The following SLC36A1 variants were observed in gnomAD, a reference collection of about 807,000 sequenced individuals.
SLC36A1 encodes the protein solute carrier family 36 member 1.
A neutral mutation model predicts 47.5 loss-of-function variants in SLC36A1; 30 were observed. That is an observed-to-expected ratio of 0.63 (90% CI 0.47 to 0.86). The LOEUF is 0.86. SLC36A1 is among the 40% of genes least tolerant of loss of function. The pLI is 0.00. For missense variants in SLC36A1, 517 were observed against 606.0 expected (o/e 0.85, Z 1.54); for synonymous variants, 255 against 249.7 (o/e 1.02, Z -0.20).
Position 151,489,948 on chromosome 5 carries a change from G to C in SLC36A1, c.*1694G>C, listed in dbSNP as rs1316304747. The C allele has an allele frequency of 6.6e-6, 1 of 152,148 alleles. No homozygotes were observed. Among genetic ancestry groups the C allele is most frequent in the Admixed American group, 6.5e-5 (1 of 15,284 alleles). 9.4% of individuals were successfully genotyped at this position (152,148 alleles called of 1,614,324 possible). ...GCAGCAAAAATGTATCAGGGGTTTT[G>C]CTTCTGTGTTTCGCCAAAGCTCATA... On this transcript the variant is annotated 3_prime_UTR_variant, in exon 11 of 11. Coordinates refer to ENST00000243389, the MANE Select transcript of SLC36A1 (RefSeq NM_078483.4). The surrounding 1 kb of genome is among the most constrained non-coding windows in gnomAD (Gnocchi z 4.5).
At chr5:151,545,178 G>T in the SLC36A1 span, 1 of 1,614,192 alleles carries the variant, frequency 6.2e-7, no homozygotes, top group Non-Finnish European at 8.5e-7. Flanking sequence ...GTGCCTTTCT[G>T]TCCTGCAAGT....
At chr5:151,474,676 G>A (rs1285071663) in intron 8 of SLC36A1, among the ~76,000 whole-genome samples, 1 of 152,176 alleles carries the variant, frequency 6.6e-6, no homozygotes, top group African/African-American at 2.4e-5. Context: ...GTGCAAAAGA[G>A]CAGCCTTCAC....
At chr5:151,433,249 TA>T (rs1561704925), upstream of SLC36A1, among the ~76,000 whole-genome samples, 6 of 15,896 alleles carry the variant, frequency 3.8e-4, no homozygotes, top group Admixed American at 6.0e-4. Context: ...TATATATATA[TA>T]TATATATATA....
the SLC36A1 span, among the ~76,000 whole-genome samples, chr5:151,428,166 T>A: frequency 1.1e-4 from 17 of 152,196 alleles, no homozygotes; most frequent in Non-Finnish European, 2.4e-4. Flanking sequence ...AATGGCTATG[T>A]AAGCCTTTAA....
At chr5:151,478,215 T>C (rs1758337796) in intron 9 of SLC36A1, among the ~76,000 whole-genome samples, 1 of 152,208 alleles carries the variant, frequency 6.6e-6, no homozygotes, top group Middle Eastern at 3.2e-3. Context: ...TATTAGCACA[T>C]TTAAATAGAT....
chr5:151,515,679 T>C, the SLC36A1 span, among the ~76,000 whole-genome samples: 8 of 152,210 alleles, frequency 5.3e-5, no homozygotes, highest in African/African-American at 1.9e-4. Context: ...GGCTTTGCCT[T>C]CAAAATCTTT....
chr5:151,437,641 A>T (rs535490595), intron 1 of SLC36A1, among the ~76,000 whole-genome samples: 1 of 152,324 alleles, frequency 6.6e-6, no homozygotes, highest in African/African-American at 2.4e-5. Context: ...ACTTCTCAAT[A>T]TAATTATTTT....
downstream of SLC36A1, among the ~76,000 whole-genome samples, chr5:151,493,347 G>A (rs1377855151): frequency 6.6e-6 from 1 of 152,142 alleles, no homozygotes; most frequent in Non-Finnish European, 1.5e-5. Context: ...GATGGCATCA[G>A]ATCCCACAGG....
chr5:151,428,942 C>G, the SLC36A1 span, among the ~76,000 whole-genome samples: 1 of 152,176 alleles, frequency 6.6e-6, no homozygotes, highest in African/African-American at 2.4e-5. Flanking sequence ...CGTCCGTCTG[C>G]TGCATTTTGA....
the SLC36A1 span, chr5:151,534,559 G>C: frequency 6.2e-7 from 1 of 1,614,024 alleles, no homozygotes; most frequent in South Asian, 1.1e-5. Flanking sequence ...TGGCACGATC[G>C]GCCACCTCCA....
chr5:151,377,350 T>A, the SLC36A1 span, among the ~76,000 whole-genome samples: 1 of 145,974 alleles, frequency 6.9e-6, no homozygotes, highest in Non-Finnish European at 1.5e-5. Context: ...TCTCTTTCTT[T>A]TTTTTTTTTT....
the SLC36A1 span, among the ~76,000 whole-genome samples, chr5:151,358,433 G>A: frequency 6.6e-6 from 1 of 151,952 alleles, no homozygotes; most frequent in African/African-American, 2.4e-5. Context: ...TACTGTGGCC[G>A]GCTAATTTTT....
the SLC36A1 span, among the ~76,000 whole-genome samples, chr5:151,348,404 T>C: frequency 6.6e-6 from 1 of 152,172 alleles, no homozygotes; most frequent in African/African-American, 2.4e-5. Flanking sequence ...TCCTCCTCCC[T>C]CAAAATTACA....
the SLC36A1 span, among the ~76,000 whole-genome samples, chr5:151,400,594 AGT>A: frequency 3.9e-5 from 6 of 152,212 alleles, no homozygotes; most frequent in African/African-American, 1.4e-4. Flanking sequence ...TGCTTTCCAC[AGT>A]GACTGAACTA....
At chr5:151,451,321 G>A (rs1375360647) in intron 1 of SLC36A1, among the ~76,000 whole-genome samples, 3 of 152,202 alleles carry the variant, frequency 2.0e-5, no homozygotes, top group Middle Eastern at 6.8e-3. Context: ...CCAAAGTGCC[G>A]GGATTACAGA....
the SLC36A1 span, chr5:151,527,510 G>A: frequency 1.1e-3 from 870 of 807,088 alleles, 10 homozygotes; most frequent in East Asian, 0.021. Context: ...CTGCCCACCC[G>A]TAGCATTTTA....
chr5:151,551,333 G>C, the SLC36A1 span: 1 of 922,100 alleles, frequency 1.1e-6, no homozygotes, highest in Non-Finnish European at 1.6e-6. Flanking sequence ...GAGTGTATTA[G>C]ACAAGAACTT....
intron 5 of SLC36A1, 70 bp from the exon 6 acceptor site, chr5:151,467,129 C>T (rs1756515758): frequency 1.6e-6 from 2 of 1,227,830 alleles, no homozygotes; most frequent in African/African-American, 3.1e-5. Context: ...AAACAAAAAA[C>T]ACCTCCCCTT....
chr5:151,463,127 G>A (rs1194788165), intron 2 of SLC36A1, among the ~76,000 whole-genome samples: 4 of 152,102 alleles, frequency 2.6e-5, no homozygotes, highest in Admixed American at 6.6e-5. Context: ...CCACCGCTTC[G>A]GCCTCCCAAA....
Sources: gnomAD v4.1 joint callset for allele counts (sites outside exome capture counted in the v4.1 genomes callset) on GRCh38, gnomAD v4.1.1 for gene constraint, Gnocchi (gnomAD v3.1) non-coding constraint, MANE v1.5 for transcripts, NCBI Gene and HGNC (gene_info 2026-07-23, HGNC 2026-07-21) for gene names.